Variants in CFAP46 observed in about 807,000 individuals in gnomAD.
The protein encoded by CFAP46 is cilia- and flagella-associated protein 46.
CFAP46 carries 245 observed loss-of-function variants against 325.7 expected under a neutral mutation model. That is an observed-to-expected ratio of 0.75 (90% CI 0.68 to 0.84). The LOEUF (loss-of-function observed/expected upper bound fraction) is 0.84. Ranked by LOEUF, CFAP46 falls within the 40% of genes least tolerant of loss-of-function variation. CFAP46 has a pLI of 0.00. For missense variants in CFAP46, 3,346 were observed against 3,543.0 expected (o/e 0.94, Z 1.41); for synonymous variants, 1,523 against 1,495.9 (o/e 1.02, Z -0.42).
chr10:132,922,084 G>C lies in CFAP46; in HGVS notation c.1606+20C>G. On this transcript the variant is annotated intron_variant, in intron 13 of 57. Transcript: ENST00000368586. ...CAAGGTGGACCGTTCTGGGCTGGGA[G>C]AGCCCAGTGCAGAGCTCACCTTTGG... 6.5e-7 allele frequency: 1 copy of C among 1,547,630 alleles called. No individual in the cohort carries two copies. Among genetic ancestry groups the C allele is most frequent in the Non-Finnish European group, 8.7e-7 (1 of 1,145,438 alleles).
intron 39 of CFAP46, among the ~76,000 whole-genome samples, chr10:132,853,714 A>C (rs1375214458): frequency 1.5e-5 from 2 of 130,556 alleles, no homozygotes; most frequent in Non-Finnish European, 3.1e-5. Flanking sequence ...TACTCAGGCT[A>C]TCTCTTTCTT....
At chr10:132,852,228 A>C (rs868866440) in intron 39 of CFAP46, among the ~76,000 whole-genome samples, 9 of 121,220 alleles carry the variant, frequency 7.4e-5, no homozygotes, top group East Asian at 2.3e-4. Context: ...TTTACTTAGG[A>C]ATTCTCAGAT....
intron 50 of CFAP46, among the ~76,000 whole-genome samples, chr10:132,829,005 G>A (rs989736024): frequency 1.9e-4 from 29 of 151,266 alleles, no homozygotes; most frequent in African/African-American, 6.6e-4. Context: ...ATCAGGTGGC[G>A]TGTGCCCTCC....
At chr10:132,941,145 G>A (rs910152137) in intron 3 of CFAP46, 85 bp from the exon 4 acceptor site, 24 of 1,338,760 alleles carry the variant, frequency 1.8e-5, no homozygotes, top group Admixed American at 5.1e-5. Flanking sequence ...GCTCCCTCAC[G>A]GTTGGCCTGG....
In CFAP46 at chr10:132,821,942, T is replaced by C. The variant is rs1847848954; in HGVS notation, c.7118-7028A>G. On this transcript the variant is annotated intron_variant, in intron 50 of 57. Transcript: ENST00000368586. ...GCTGTGTGTGCGCTGATGTGTGCTG[T>C]GTGTGCGCTTGTGTGTGCTGTGTGT... 3.0e-5 allele frequency among the ~76,000 whole-genome samples: 2 copies of C among 67,568 alleles called. 1 individual carries two copies. Among genetic ancestry groups the C allele is most frequent in the Non-Finnish European group, 7.8e-5 (2 of 25,540 alleles). 44.3% of individuals were successfully genotyped at this position (67,568 alleles called of 152,430 possible). A position where few individuals can be genotyped will look rare whatever the true frequency, so the allele number is the denominator to read the frequency against.
At chr10:132,833,135 C>T (rs1848179013) in intron 50 of CFAP46, among the ~76,000 whole-genome samples, 2 of 151,808 alleles carry the variant, frequency 1.3e-5, no homozygotes, top group Admixed American at 6.6e-5. Flanking sequence ...CCACCATGCC[C>T]AGCTAATTTT....
Position 132,913,245 on chromosome 10 carries a change from T to C in CFAP46, c.2134A>G (p.Ser712Gly), listed in dbSNP as rs931851745. 1.9e-6 allele frequency: 3 copies of C among 1,550,064 alleles called. No individual in the cohort carries two copies. The highest frequency in any genetic ancestry group is 8.7e-7 in the Non-Finnish European group (1 of 1,146,840). ...EWITYRTWIE[S>G]LSRCAMNNWL... ...TTATTCATGGCACACCGGGACAGAC[T>C]CTCGATCCAGGTTCTGCAAAACGAG... The change falls in exon 18 of 58, where the codon AGT becomes GGT. Residue 712 changes from serine to glycine, a missense_variant. Ser to Gly is a moderately conservative substitution (Grantham distance 56). Transcript: ENST00000368586.
chr10:132,846,037 C>T lies in CFAP46; in HGVS notation c.6438+20G>A, dbSNP rs573776691. ...GCTCCAGAGCTGGGGGCAGGTTCAG[C>T]GGCATCCGTGCCCGCTTACCTTGGA... is the stretch of plus-strand genomic sequence containing the variant. On this transcript the variant is annotated intron_variant, in intron 44 of 57. Coordinates refer to ENST00000368586, the MANE Select transcript of CFAP46 (RefSeq NM_001200049.3). The T allele has an allele frequency of 1.9e-5, 31 of 1,592,492 alleles. No individual in the cohort carries two copies. Among genetic ancestry groups the T allele is most frequent in the South Asian group, 3.4e-5 (3 of 89,130 alleles).
At chr10:132,887,790 C>T (rs369315066) in intron 25 of CFAP46, among the ~76,000 whole-genome samples, 2,403 of 83,674 alleles carry the variant, frequency 0.029, 7 homozygotes, top group African/African-American at 0.18. Context: ...CTCTCCTCTC[C>T]TCTCCCCTCT....
Position 132,908,522 on chromosome 10 carries a change from G to A in CFAP46, c.2870C>T (p.Ala957Val). The change falls in exon 22 of 58, where the codon GCC becomes GTC. Residue 957 changes from alanine to valine, a missense_variant. Physicochemically the swap from Ala to Val is moderately conservative, Grantham distance 64. Transcript: ENST00000368586. ...HAARDHETTM[A>V]CAHRALEMGI... ...CATCTCCAGAGCCCTGTGAGCACAG[G>A]CCATGGTGGTCTCATGGTCACGCGC... 6.4e-7 allele frequency: 1 copy of A among 1,550,542 alleles called. No individual in the cohort carries two copies. Among genetic ancestry groups the A allele is most frequent in the African/African-American group, 1.4e-5 (1 of 73,184 alleles).
In CFAP46 at chr10:132,808,952, G is replaced by A. The variant is rs749293888; in HGVS notation, c.7665-48C>T. On this transcript the variant is annotated intron_variant, in intron 57 of 57. Coordinates refer to ENST00000368586, the MANE Select transcript of CFAP46 (RefSeq NM_001200049.3). The surrounding 1 kb of genome is among the most constrained non-coding windows in gnomAD (Gnocchi z 6.8). Reference sequence around the variant, plus strand: ...TATGAACCCCGAGGCCCCGCAGGACGTCCAGCCCGGTGAGGACCAGGGCAC... The same window carrying A: ...TATGAACCCCGAGGCCCCGCAGGACATCCAGCCCGGTGAGGACCAGGGCAC... 18 of 1,507,956 alleles carry A rather than the reference G, an allele frequency of 1.2e-5. No homozygotes were observed. Among genetic ancestry groups the A allele is most frequent in the South Asian group, 2.6e-5 (2 of 76,062 alleles). The allele number at this position is 1,507,956 out of a possible 1,614,324, so 93.4% of individuals were successfully genotyped here. A position where few individuals can be genotyped will look rare whatever the true frequency, so the allele number is the denominator to read the frequency against.
At chr10:132,812,689 G>A in intron 55 of CFAP46, 96 bp downstream of exon 55, 1 of 839,362 alleles carries the variant, frequency 1.2e-6, no homozygotes, top group Non-Finnish European at 2.0e-6. Context: ...ACAGGGGGTG[G>A]GGGCAGCACC....
In CFAP46 at chr10:132,851,130, G is replaced by A. The variant is rs1564777786; in HGVS notation, c.5750C>T (p.Thr1917Ile). Residue 1917 changes from threonine to isoleucine, a missense_variant, in exon 40 of 58, where the codon ACT becomes ATT. Coordinates refer to ENST00000368586, the MANE Select transcript of CFAP46 (RefSeq NM_001200049.3). ...CCCAGCAATTACCAGGCCGACGGAA[G>A]TGTAGTCACTGGTGTTCTGCAGATA... ...ADYLQNTSDY[T>I]SVGLQWFTLK... 2 of 1,613,938 alleles carry A rather than the reference G, an allele frequency of 1.2e-6. No homozygotes were observed. Among genetic ancestry groups the A allele is most frequent in the East Asian group, 2.2e-5 (1 of 44,876 alleles).
At chr10:132,821,869 C>CGCTGA (rs1554964204) in intron 50 of CFAP46, among the ~76,000 whole-genome samples, 60 of 131,936 alleles carry the variant, frequency 4.5e-4, no homozygotes, top group South Asian at 2.6e-3. Context: ...GCTGTGTGTG[C>CGCTGA]TGTGTGCTGT....
At chr10:132,925,139 G>A (rs1313416983) in intron 10 of CFAP46, among the ~76,000 whole-genome samples, 1 of 152,252 alleles carries the variant, frequency 6.6e-6, no homozygotes, top group Non-Finnish European at 1.5e-5. Flanking sequence ...CCCCCGTGTG[G>A]ACTCAGCGGG....
chr10:132,870,211 G>A (rs1848877556), intron 32 of CFAP46, among the ~76,000 whole-genome samples: 1 of 152,200 alleles, frequency 6.6e-6, no homozygotes, highest in East Asian at 1.9e-4. Flanking sequence ...ATGTCCCGTG[G>A]GCTCTGATTG....
At chr10:132,864,670 G>C (rs35322105) in intron 35 of CFAP46, among the ~76,000 whole-genome samples, 1 of 55,690 alleles carries the variant, frequency 1.8e-5, no homozygotes, top group African/African-American at 9.2e-5. Flanking sequence ...CCTGTCCCCA[G>C]TGCCCGAGAC....
intron 50 of CFAP46, among the ~76,000 whole-genome samples, chr10:132,821,019 T>G (rs1847799371): frequency 7.0e-6 from 1 of 143,098 alleles, no homozygotes; most frequent in Non-Finnish European, 1.5e-5. Context: ...GTGTGTGCTG[T>G]GTGCTGTGTG....
intron 35 of CFAP46, 138 bp downstream of exon 35, chr10:132,865,887 G>A (rs1848805496): frequency 1.2e-6 from 1 of 813,454 alleles, no homozygotes; most frequent in African/African-American, 1.8e-5. Flanking sequence ...CCCGCAGAGA[G>A]CTGGACCCAG....
Sources: allele counts gnomAD v4.1 joint callset (sites outside exome capture counted in the v4.1 genomes callset), GRCh38; gene constraint gnomAD v4.1.1; non-coding constraint Gnocchi (gnomAD v3.1); transcripts MANE v1.5; gene names NCBI Gene and HGNC (gene_info 2026-07-23, HGNC 2026-07-21).